The following RIN3 variants were observed in gnomAD, a reference collection of about 807,000 sequenced individuals.
RIN3 encodes Ras and Rab interactor 3, also known as RAB5 interacting protein 3.
Under a neutral mutation model 76.3 loss-of-function variants are expected in RIN3, and 54 were observed. The observed-to-expected ratio is 0.71, with a 90% CI of 0.57 to 0.89. The LOEUF (loss-of-function observed/expected upper bound fraction) is 0.89, where lower values mean the gene tolerates loss of function less well. RIN3 is among the 40% of genes least tolerant of loss of function. The pLI, the probability that RIN3 is intolerant of heterozygous loss-of-function variation, is 0.00. For missense variants in RIN3, 1,256 were observed against 1,322.1 expected (o/e 0.95, Z 0.78); for synonymous variants, 576 against 564.0 (o/e 1.02, Z -0.30).
chr14:92,637,894 G>C (rs965034182), intron 4 of RIN3, among the ~76,000 whole-genome samples: 1 of 152,148 alleles, frequency 6.6e-6, no homozygotes, highest in African/African-American at 2.4e-5. Flanking sequence ...CTTACTACTG[G>C]CTGGGGGTCT....
intron 3 of RIN3, chr14:92,586,600 C>CA (rs1555385833): frequency 1.3e-5 from 2 of 150,852 alleles, no homozygotes; most frequent in African/African-American, 2.4e-5. Flanking sequence ...TCTTAGCCTC[C>CA]TTTTTTTTTC....
intron 7 of RIN3, among the ~76,000 whole-genome samples, chr14:92,661,796 G>A (rs954923467): frequency 6.0e-5 from 9 of 150,284 alleles, no homozygotes; most frequent in Admixed American, 2.6e-4. Context: ...GAGACACCAC[G>A]CCAAGGCGAA....
chr14:92,617,784 G>A (rs1293204524), intron 4 of RIN3, among the ~76,000 whole-genome samples: 1 of 152,204 alleles, frequency 6.6e-6, no homozygotes, highest in East Asian at 1.9e-4. Context: ...TAGGCCACAT[G>A]TGCCAGCAGC....
chr14:92,684,778 A>G (rs1194505909), intron 8 of RIN3, among the ~76,000 whole-genome samples: 1 of 152,180 alleles, frequency 6.6e-6, no homozygotes, highest in African/African-American at 2.4e-5. Flanking sequence ...AGCAGGGCCC[A>G]GACAGCTCAG....
chr14:92,523,010 T>C (rs2139994969), intron 1 of RIN3, among the ~76,000 whole-genome samples: 1 of 152,306 alleles, frequency 6.6e-6, no homozygotes, highest in Middle Eastern at 3.4e-3. Context: ...AGAACAACAA[T>C]ATATTATAGT....
chr14:92,683,831 T>C (rs866268029), intron 8 of RIN3, among the ~76,000 whole-genome samples: 1 of 152,252 alleles, frequency 6.6e-6, no homozygotes, highest in African/African-American at 2.4e-5. Context: ...ATTTCCTCTC[T>C]TCTTAAAAAT....
intron 1 of RIN3, among the ~76,000 whole-genome samples, chr14:92,539,838 G>C (rs962651593): frequency 6.6e-6 from 1 of 152,138 alleles, no homozygotes; most frequent in South Asian, 2.1e-4. Flanking sequence ...AGAGCAGCTG[G>C]GACTAGAGGC....
intron 1 of RIN3, chr14:92,515,172 T>C (rs1212895951): frequency 2.9e-6 from 2 of 688,896 alleles, no homozygotes; most frequent in Non-Finnish European, 5.3e-6. Context: ...AGCCCGGAAA[T>C]TCTGGATGCT....
chr14:92,513,789 G>A lies in RIN3; in HGVS notation c.-144G>A. The stretch of plus-strand genomic sequence containing the variant: ...GCTCCGATACAGGAAGTAGAAGGGA[G>A]CGAGAGCCCCAGAGCGCGGCGGCAG... On this transcript the variant is annotated 5_prime_UTR_variant, in exon 1 of 10. Coordinates refer to ENST00000216487, the MANE Select transcript of RIN3 (RefSeq NM_024832.5). 2 of 432,072 alleles carry A rather than the reference G, an allele frequency of 4.6e-6. No homozygotes were observed. The highest frequency in any genetic ancestry group is 7.6e-6 in the Non-Finnish European group (2 of 261,942). The allele number at this position is 432,072 out of a possible 1,614,324, so 26.8% of individuals were successfully genotyped here.
chr14:92,651,557 C>T (rs745979588), intron 5 of RIN3, 25 bp from the exon 6 acceptor site: 1 of 1,569,610 alleles, frequency 6.4e-7, no homozygotes, highest in Non-Finnish European at 8.7e-7. Flanking sequence ...CAGACTGACC[C>T]CCTGCCCCTC....
intron 4 of RIN3, among the ~76,000 whole-genome samples, chr14:92,631,555 C>T (rs1370276393): frequency 6.6e-6 from 1 of 152,156 alleles, no homozygotes. Context: ...CCAGGAGATC[C>T]TGACTCAGTG....
At chr14:92,609,053 C>T (rs1885627302) in intron 3 of RIN3, among the ~76,000 whole-genome samples, 2 of 152,116 alleles carry the variant, frequency 1.3e-5, no homozygotes, top group African/African-American at 4.8e-5. Context: ...AGCTTTCCCA[C>T]CCAACTCCCC....
chr14:92,549,679 G>C (rs1281352547), intron 1 of RIN3, among the ~76,000 whole-genome samples: 1 of 152,334 alleles, frequency 6.6e-6, no homozygotes, highest in East Asian at 1.9e-4. Flanking sequence ...TAGAAGCTGA[G>C]AGGTTGAGTC....
intron 9 of RIN3, 62 bp from the exon 10 acceptor site, chr14:92,687,864 G>A: frequency 1.4e-6 from 2 of 1,410,244 alleles, no homozygotes; most frequent in Non-Finnish European, 1.9e-6. Flanking sequence ...GGCCTGGGCC[G>A]GGAGAGGGCG....
At chr14:92,521,094 C>T (rs1183025823) in intron 1 of RIN3, among the ~76,000 whole-genome samples, 11 of 152,126 alleles carry the variant, frequency 7.2e-5, no homozygotes, top group Non-Finnish European at 1.2e-4. Flanking sequence ...ATCCACCTGT[C>T]CATTCTATTC....
chr14:92,659,476 G>A lies in RIN3; in HGVS notation c.2335+7G>A, dbSNP rs774717658. The stretch of plus-strand genomic sequence containing the variant: ...ATGGCCCTCGGCAACCCAGGTCAGT[G>A]GGCAGCCGGGAGGGGTCTGGGTGAG... On this transcript the variant is annotated splice_region_variant and intron_variant, in intron 7 of 9. Coordinates refer to ENST00000216487, the MANE Select transcript of RIN3 (RefSeq NM_024832.5). The A allele has an allele frequency of 6.3e-7, 1 of 1,588,760 alleles. No homozygotes were observed. Among genetic ancestry groups the A allele is most frequent in the African/African-American group, 1.3e-5 (1 of 74,386 alleles).
chr14:92,602,343 C>T (rs1885377158), intron 3 of RIN3, among the ~76,000 whole-genome samples: 1 of 152,236 alleles, frequency 6.6e-6, no homozygotes, highest in Non-Finnish European at 1.5e-5. Context: ...TGGTGGCCCA[C>T]AGGAAAGGCA....
chr14:92,576,579 G>A (rs1898240840), intron 2 of RIN3, among the ~76,000 whole-genome samples: 1 of 152,196 alleles, frequency 6.6e-6, no homozygotes, highest in Non-Finnish European at 1.5e-5. Context: ...CCTTATAGCT[G>A]TGAGATCTTG....
intron 1 of RIN3, among the ~76,000 whole-genome samples, chr14:92,518,612 C>G (rs1334803044): frequency 6.6e-6 from 1 of 152,196 alleles, no homozygotes; most frequent in African/African-American, 2.4e-5. Flanking sequence ...CCCAGCTGTG[C>G]TCCTGATACT....
Sources: allele counts gnomAD v4.1 joint callset (sites outside exome capture counted in the v4.1 genomes callset), GRCh38; gene constraint gnomAD v4.1.1; transcripts MANE v1.5; gene names NCBI Gene and HGNC (gene_info 2026-07-23, HGNC 2026-07-21).